VPS11: variants seen among roughly 807,000 people sequenced by gnomAD.
VPS11 encodes the protein VPS11 core subunit of CORVET and HOPS complexes.
Under a neutral mutation model 106.8 loss-of-function variants are expected in VPS11, and 51 were observed. The ratio of observed to expected loss-of-function variants is 0.48; its 90% CI spans 0.38 to 0.60. VPS11 has a LOEUF of 0.60. VPS11 is among the 20% of genes least tolerant of loss of function. The probability of loss-of-function intolerance (pLI) is 0.00; values close to 1 mark genes in which losing one functional copy is unlikely to be tolerated. For missense variants in VPS11, 950 were observed against 1,190.0 expected (o/e 0.80, Z 2.97); for synonymous variants, 453 against 458.7 (o/e 0.99, Z 0.16).
At position 119,077,161 on chromosome 11, in the gene VPS11, A is replaced by G. The variant is rs979646268; in HGVS notation, c.1425+78A>G. 5.3e-6 allele frequency: 8 copies of G among 1,521,916 alleles called. No homozygotes were observed. The African/African-American group carries it at 1.1e-4, about 21-fold the overall frequency. The allele number at this position is 1,521,916 out of a possible 1,614,324, so 94.3% of individuals were successfully genotyped here. ...GGCTCCACCGGGACTTGTTCGTTTC[A>G]GCAAGACATAGGGAGAGGAAAGGGC... On this transcript the variant is annotated intron_variant, in intron 8 of 15. Transcript: ENST00000621676.
intron 5 of VPS11, 147 bp from the exon 6 acceptor site, chr11:119,073,051 G>A (rs934264658): frequency 3.7e-5 from 31 of 841,374 alleles, no homozygotes; most frequent in East Asian, 8.0e-5. Flanking sequence ...TACAACTACC[G>A]GCACAGCGCT....
At position 119,071,644 on chromosome 11, in the gene VPS11, C is replaced by T. The variant is rs375148472; in HGVS notation, c.685C>T (p.His229Tyr). 2.5e-6 allele frequency: 4 copies of T among 1,613,896 alleles called. No individual in the cohort carries two copies. The Admixed American group carries it at 6.7e-5, about 27-fold the overall frequency. The change falls in exon 5 of 16, where the codon CAT becomes TAT. Residue 229 changes from histidine (H) to tyrosine (Y), a missense_variant. Around this residue, in one of 3 missense-constraint regions of VPS11, gnomAD observed 435 missense variants for 630.2 expected, o/e 0.69. Coordinates refer to ENST00000621676, the MANE Select transcript of VPS11 (RefSeq NM_021729.6). ...CTACCCTCGCGTGGAGTTGGACACC[C>T]ATGGTTGTGGCCTGCGCTGCTCAGC... Reference protein sequence around the residue: ...KDYPRVELDTHGCGLRCSALS... With the variant: ...KDYPRVELDTYGCGLRCSALS...
chr11:119,073,161 A>G (rs1249675688), intron 5 of VPS11, 37 bp from the exon 6 acceptor site: 1 of 1,583,188 alleles, frequency 6.3e-7, no homozygotes, highest in African/African-American at 1.3e-5. Context: ...TAAGACAGAG[A>G]TGTCCAAACA....
chr11:119,080,921 G>A (rs1406654377), intron 14 of VPS11, among the ~76,000 whole-genome samples, 171 bp from the exon 15 acceptor site: 1 of 152,210 alleles, frequency 6.6e-6, no homozygotes, highest in Non-Finnish European at 1.5e-5. Flanking sequence ...TGCAGGTCCA[G>A]GGCTGTTGTA....
chr11:119,078,491 T>C, intron 11 of VPS11, 74 bp from the exon 12 acceptor site: 1 of 1,585,504 alleles, frequency 6.3e-7, no homozygotes, highest in Non-Finnish European at 8.6e-7. Flanking sequence ...AGGGAAAGAG[T>C]TGACTGGCTT....
Position 119,081,778 on chromosome 11 carries a change from C to A in VPS11, c.*155C>A. 9.7e-7 allele frequency: 1 copy of A among 1,033,748 alleles called. No individual in the cohort carries two copies. The highest frequency in any genetic ancestry group is 1.7e-5 in the South Asian group (1 of 59,162). The allele number at this position is 1,033,748 out of a possible 1,614,324, so 64.0% of individuals were successfully genotyped here. A position where few individuals can be genotyped will look rare whatever the true frequency, so the allele number is the denominator to read the frequency against. ...CAGAACTAAAGCGGACTTTCTTTCC[C>A]TGCCTTCTTATTTAGTCAGCTTGCC... On this transcript the variant is annotated 3_prime_UTR_variant, in exon 16 of 16. Coordinates refer to ENST00000621676, the MANE Select transcript of VPS11 (RefSeq NM_021729.6).
chr11:119,069,950 A>G (rs1009716300), intron 3 of VPS11, among the ~76,000 whole-genome samples: 2 of 151,906 alleles, frequency 1.3e-5, no homozygotes, highest in African/African-American at 4.8e-5. Context: ...GTGAGCCAAG[A>G]TCGCGCCATT....
chr11:119,077,545 C>A lies in VPS11; in HGVS notation c.1470C>A (p.Ile490=). 1.9e-6 allele frequency: 3 copies of A among 1,614,062 alleles called. No homozygotes were observed. Among genetic ancestry groups the A allele is most frequent in the Non-Finnish European group, 2.5e-6 (3 of 1,179,896 alleles). Residue 490 remains isoleucine, a synonymous_variant, in exon 9 of 16, where the codon ATC becomes ATA. Coordinates refer to ENST00000621676, the MANE Select transcript of VPS11 (RefSeq NM_021729.6). ...TCCACTTTGATGTGGAGACAGCCAT[C>A]AAGGTCCTCCGGCAGGCTGGCTACT... ...SEVHFDVETA[I]KVLRQAGYYS...
chr11:119,071,553 C>T (rs782097835), intron 4 of VPS11, 43 bp from the exon 5 acceptor site: 2 of 1,602,544 alleles, frequency 1.2e-6, no homozygotes, highest in Non-Finnish European at 8.5e-7. Flanking sequence ...CTTAGAGTTA[C>T]CTCCTCAAAG....
At chr11:119,069,092 A>G in intron 1 of VPS11, 104 bp from the exon 2 acceptor site, 3 of 1,421,204 alleles carry the variant, frequency 2.1e-6, no homozygotes, top group Non-Finnish European at 2.8e-6. Flanking sequence ...TATGTGGGAA[A>G]ATCCTTGAAA....
At chr11:119,074,561 G>T (rs552434027) in intron 7 of VPS11, among the ~76,000 whole-genome samples, 23 of 151,994 alleles carry the variant, frequency 1.5e-4, no homozygotes, top group African/African-American at 4.8e-4. Flanking sequence ...ATGCTGCCAT[G>T]CCTGGCTAAT....
At chr11:119,069,382 CT>C in intron 2 of VPS11, 38 bp downstream of exon 2, 2 of 1,613,754 alleles carry the variant, frequency 1.2e-6, no homozygotes, top group Non-Finnish European at 1.7e-6. Flanking sequence ...ATCCAGAAGC[CT>C]AGGAATGATT....
Position 119,069,003 on chromosome 11 carries a change from C to A in VPS11, c.188-193C>A, listed in dbSNP as rs949479753. ...TGACCTCAGGTGATCCGCACCCCCC[C>A]CCCCCCCCGGCCTCCCAAAGTGCTG... On this transcript the variant is annotated intron_variant, in intron 1 of 15. Coordinates refer to ENST00000621676, the MANE Select transcript of VPS11 (RefSeq NM_021729.6). 1.7e-4 allele frequency among the ~76,000 whole-genome samples: 8 copies of A among 46,498 alleles called. 1 individual carries two copies. The South Asian group carries it at 6.0e-3, about 35-fold the overall frequency. 30.5% of individuals were successfully genotyped at this position (46,498 alleles called of 152,430 possible). A position where few individuals can be genotyped will look rare whatever the true frequency, so the allele number is the denominator to read the frequency against.
chr11:119,078,394 C>A lies in VPS11; in HGVS notation c.1923+60C>A. On this transcript the variant is annotated intron_variant, in intron 11 of 15. Transcript: ENST00000621676. Reference sequence around the variant, plus strand: ...GTTCGTGCCGTCTCCATTCTTCCGTCTTGGTGGCTGCCTTTCACTGCATTC... The same window carrying A: ...GTTCGTGCCGTCTCCATTCTTCCGTATTGGTGGCTGCCTTTCACTGCATTC... The A allele has an allele frequency of 5.0e-6, 8 of 1,590,148 alleles. 1 individual carries two copies. In the South Asian group the frequency reaches 8.8e-5, roughly 18 times the overall value.
chr11:119,073,523 T>A, intron 6 of VPS11, 124 bp downstream of exon 6: 2 of 1,250,178 alleles, frequency 1.6e-6, no homozygotes, highest in Non-Finnish European at 2.2e-6. Context: ...CTCAGCTTCC[T>A]TAGGGTAGGA....
chr11:119,071,263 A>C (rs1185933273), intron 4 of VPS11, among the ~76,000 whole-genome samples: 1 of 152,166 alleles, frequency 6.6e-6, no homozygotes, highest in East Asian at 1.9e-4. Context: ...GACGTTGGAC[A>C]AGTATCTTTA....
At chr11:119,081,045 C>T (rs782082191) in intron 14 of VPS11, 47 bp from the exon 15 acceptor site, 1 of 1,557,550 alleles carries the variant, frequency 6.4e-7, no homozygotes, top group Non-Finnish European at 8.8e-7. Flanking sequence ...TGACTCCTGG[C>T]CTTGCCCTCA....
chr11:119,075,464 G>A lies in VPS11; in HGVS notation c.1239-1433G>A, dbSNP rs144929464. 7.3e-4 allele frequency among the ~76,000 whole-genome samples: 111 copies of A among 151,494 alleles called. No individual in the cohort carries two copies. In the East Asian group the frequency reaches 0.015, roughly 20 times the overall value. On this transcript the variant is annotated intron_variant, in intron 7 of 15. Transcript: ENST00000621676. ...TCATTCCTGTAATCCCAGCACTTTG[G>A]GAGGCCAAGGCGGGTGGATCACTTG...
chr11:119,078,855 G>T lies in VPS11; in HGVS notation c.2124G>T (p.Val708=), dbSNP rs782630999. The change falls in exon 13 of 16, where the codon GTG becomes GTT. Residue 708 remains valine, a synonymous_variant. Coordinates refer to ENST00000621676, the MANE Select transcript of VPS11 (RefSeq NM_021729.6). The part of the protein sequence containing the change: ...QHEQYRQVIS[V]CERHGEQDPS... ...AGCAGTACCGGCAGGTCATCAGCGTGTGTGAGCGCCATGGGGAGCAGGACC... is the reference window on the plus strand; with the variant it reads ...AGCAGTACCGGCAGGTCATCAGCGTTTGTGAGCGCCATGGGGAGCAGGACC... The T allele has an allele frequency of 2.5e-6, 4 of 1,613,852 alleles. No homozygotes were observed. In the South Asian group the frequency reaches 4.4e-5, roughly 18 times the overall value.
Sources: gnomAD v4.1 joint callset for allele counts (sites outside exome capture counted in the v4.1 genomes callset) on GRCh38, gnomAD v4.1.1 for gene constraint, gnomAD v4.1.1 regional missense constraint, MANE v1.5 for transcripts, NCBI Gene and HGNC (gene_info 2026-07-23, HGNC 2026-07-21) for gene names.